CELF2: variants seen among roughly 807,000 people sequenced by gnomAD.
The protein encoded by CELF2 is CUGBP Elav-like family member 2.
CELF2 carries 8 observed loss-of-function variants against 62.6 expected under a neutral mutation model. The observed-to-expected ratio is 0.13, with a 90% CI of 0.07 to 0.23. The LOEUF is 0.23. Among genes scored for constraint, CELF2 ranks in the 10% least tolerant of loss-of-function variants. CELF2 has a pLI of 1.00. For missense variants in CELF2, 333 were observed against 671.0 expected (o/e 0.50, Z 5.56); for synonymous variants, 258 against 250.0 (o/e 1.03, Z -0.30).
chr10:11,010,997 A>G lies in CELF2; in HGVS notation c.53+5557A>G, dbSNP rs1250722811. 6.6e-6 allele frequency: 1 copy of G among 152,248 alleles called. No individual in the cohort carries two copies. The highest frequency in any genetic ancestry group is 1.5e-5 in the Non-Finnish European group (1 of 68,064). The allele number at this position is 152,248 out of a possible 1,614,324, so 9.4% of individuals were successfully genotyped here. On this transcript the variant is annotated intron_variant, in intron 1 of 12. Transcript: ENST00000416382. The surrounding 1 kb of genome is among the most constrained non-coding windows in gnomAD (Gnocchi z 4.1). ...GCATCTAGGAAGGAAGAAAGGAAAC[A>G]TTTTTGAAAGTACCAATGTAGATTC...
chr10:11,001,780 CTT>C (rs35135935), upstream of CELF2, among the ~76,000 whole-genome samples: 1 of 150,758 alleles, frequency 6.6e-6, no homozygotes, highest in Non-Finnish European at 1.5e-5. Flanking sequence ...TTAATTACTG[CTT>C]TTTTTTTGGA....
intron 12 of CELF2, among the ~76,000 whole-genome samples, chr10:11,327,116 C>T (rs902784817): frequency 4.8e-5 from 7 of 146,756 alleles, no homozygotes; most frequent in Non-Finnish European, 1.0e-4. Context: ...AGTCGGGACC[C>T]ATTCGGCGGC....
intron 1 of CELF2, among the ~76,000 whole-genome samples, chr10:11,041,267 A>G (rs990645671): frequency 6.6e-6 from 1 of 152,240 alleles, no homozygotes; most frequent in African/African-American, 2.4e-5. Context: ...TTAGGACTTT[A>G]ACATACGCAT....
At chr10:11,087,536 C>A (rs1291807) in intron 1 of CELF2, among the ~76,000 whole-genome samples, 1,560 of 152,296 alleles carry the variant, frequency 0.01, 26 homozygotes, top group African/African-American at 0.036. Context: ...GCACTGTTAT[C>A]GCACAGCAGC....
the CELF2 span, among the ~76,000 whole-genome samples, chr10:10,467,572 A>C: frequency 2.0e-5 from 3 of 151,944 alleles, no homozygotes; most frequent in Non-Finnish European, 4.4e-5. Flanking sequence ...TTTTGATATA[A>C]ATTTTAGAAT....
Position 11,321,682 on chromosome 10 carries a change from C to CAT in CELF2, c.1294+298_1294+299dup, listed in dbSNP as rs965859333. Among the ~76,000 whole-genome samples the CAT allele has an allele frequency of 8.5e-5, 13 of 152,200 alleles. No individual in the cohort carries two copies. The highest frequency in any genetic ancestry group is 3.1e-4 in the African/African-American group (13 of 41,432). ...CTGCACTCCATTCGGGGAACACAGA[C>CAT]ATACCCCTCTCTCTCAAACAAAAGC... On this transcript the variant is annotated intron_variant, in intron 11 of 12. Transcript: ENST00000633077. This position sits in a 1 kb window ranked among gnomAD's most constrained non-coding sequence, Gnocchi z 6.2.
chr10:11,279,312 C>T (rs2087380236), intron 8 of CELF2, among the ~76,000 whole-genome samples: 1 of 152,130 alleles, frequency 6.6e-6, no homozygotes, highest in African/African-American at 2.4e-5. Flanking sequence ...CAAATATTTG[C>T]TTAAAACCAT....
intron 1 of CELF2, among the ~76,000 whole-genome samples, chr10:10,856,566 C>A (rs2059722377): frequency 6.6e-6 from 1 of 152,098 alleles, no homozygotes; most frequent in South Asian, 2.1e-4. Flanking sequence ...AAGAAATAAT[C>A]TTCTCATTGC....
At chr10:11,060,581 A>G (rs1425290926) in intron 1 of CELF2, among the ~76,000 whole-genome samples, 1 of 152,182 alleles carries the variant, frequency 6.6e-6, no homozygotes, top group Non-Finnish European at 1.5e-5. Context: ...GATAGAATAC[A>G]GGTGCACCTT....
intron 1 of CELF2, among the ~76,000 whole-genome samples, chr10:11,040,371 T>C (rs1027533167): frequency 6.6e-6 from 1 of 152,222 alleles, no homozygotes; most frequent in Non-Finnish European, 1.5e-5. Context: ...TCTGCTATAA[T>C]AACATCTTCA....
intron 3 of CELF2, among the ~76,000 whole-genome samples, chr10:11,239,318 C>G (rs1386907249): frequency 6.6e-6 from 1 of 152,066 alleles, no homozygotes; most frequent in African/African-American, 2.4e-5. Context: ...CCTGATAAGC[C>G]AAAATCAGAT....
chr10:11,299,273 G>A (rs1026846338), intron 9 of CELF2, among the ~76,000 whole-genome samples: 11 of 152,200 alleles, frequency 7.2e-5, no homozygotes, highest in South Asian at 2.1e-4. Context: ...GCTCTGCACC[G>A]GGCCCTTGCA....
intron 3 of CELF2, among the ~76,000 whole-genome samples, chr10:11,245,330 T>G (rs768509535): frequency 1.3e-5 from 2 of 152,240 alleles, no homozygotes; most frequent in Non-Finnish European, 2.9e-5. Context: ...ACATCTTGTA[T>G]GTGATCAGAA....
intron 1 of CELF2, among the ~76,000 whole-genome samples, chr10:11,103,167 C>G (rs1435956294): frequency 6.6e-6 from 1 of 152,106 alleles, no homozygotes; most frequent in East Asian, 1.9e-4. Context: ...TTCACCCCAG[C>G]TAGTCACCCA....
At chr10:10,580,410 G>A in the CELF2 span, among the ~76,000 whole-genome samples, 1 of 152,082 alleles carries the variant, frequency 6.6e-6, no homozygotes. Context: ...TCCATAGATT[G>A]ACCCAGGAAT....
chr10:11,132,461 G>A (rs2059766565), intron 1 of CELF2, among the ~76,000 whole-genome samples: 1 of 152,052 alleles, frequency 6.6e-6, no homozygotes, highest in African/African-American at 2.4e-5. Context: ...CACAACCAAG[G>A]GATACAAATT....
chr10:10,481,370 G>T, the CELF2 span, among the ~76,000 whole-genome samples: 13 of 152,026 alleles, frequency 8.6e-5, no homozygotes, highest in African/African-American at 2.7e-4. Context: ...AGTATATGTT[G>T]GTCCATAATA....
At chr10:11,171,192 G>A (rs765860900) in intron 2 of CELF2, 6 of 152,220 alleles carry the variant, frequency 3.9e-5, no homozygotes, top group Admixed American at 6.5e-5. Context: ...CATCGCAACA[G>A]TACTGCAAGC....
chr10:10,673,950 C>T, the CELF2 span, among the ~76,000 whole-genome samples: 1 of 152,100 alleles, frequency 6.6e-6, no homozygotes, highest in East Asian at 1.9e-4. Flanking sequence ...AGAATATTGT[C>T]TGTCTTTGTG....
Sources: allele counts gnomAD v4.1 joint callset (sites outside exome capture counted in the v4.1 genomes callset), GRCh38; gene constraint gnomAD v4.1.1; non-coding constraint Gnocchi (gnomAD v3.1); transcripts MANE v1.5; gene names NCBI Gene and HGNC (gene_info 2026-07-23, HGNC 2026-07-21).